RBFOX1: variants seen among roughly 807,000 people sequenced by gnomAD.
RBFOX1 encodes the protein RNA binding fox-1 homolog 1.
Under a neutral mutation model 57.7 loss-of-function variants are expected in RBFOX1, and 8 were observed. The ratio of observed to expected loss-of-function variants is 0.14; its 90% CI spans 0.08 to 0.25. RBFOX1 has a LOEUF of 0.25. RBFOX1 is among the 10% of genes least tolerant of loss of function. The pLI, the probability that RBFOX1 is intolerant of heterozygous loss-of-function variation, is 1.00. For synonymous variants in RBFOX1, 326 were observed against 222.4 expected, an observed-to-expected ratio of 1.47 and a Z score of -4.15; for missense variants, 611 against 548.5, an observed-to-expected ratio of 1.11 and a Z score of -1.14.
chr16:7,221,876 A>T (rs2152854819), intron 4 of RBFOX1, among the ~76,000 whole-genome samples: 1 of 152,322 alleles, frequency 6.6e-6, no homozygotes, highest in South Asian at 2.1e-4. Context: ...TAACTTCATA[A>T]ATCCACAAGA....
chr16:7,293,775 T>A (rs1439033698), intron 4 of RBFOX1, among the ~76,000 whole-genome samples: 2 of 152,122 alleles, frequency 1.3e-5, no homozygotes, highest in Non-Finnish European at 2.9e-5. Flanking sequence ...AAACCTAGTT[T>A]CGTATGATTC....
intron 1 of RBFOX1, among the ~76,000 whole-genome samples, chr16:5,266,196 C>T (rs1406173322): frequency 6.6e-6 from 1 of 152,160 alleles, no homozygotes; most frequent in Non-Finnish European, 1.5e-5. Flanking sequence ...TCAGCTGTGA[C>T]ACTGCTGACA....
At chr16:6,874,995 A>G (rs1007675833) in intron 3 of RBFOX1, among the ~76,000 whole-genome samples, 3 of 152,250 alleles carry the variant, frequency 2.0e-5, no homozygotes, top group Non-Finnish European at 4.4e-5. Context: ...AATCTTAAAA[A>G]TGATTCCAAG....
chr16:5,770,350 C>G (rs774615993), intron 3 of RBFOX1, among the ~76,000 whole-genome samples: 8 of 152,048 alleles, frequency 5.3e-5, no homozygotes, highest in Non-Finnish European at 1.2e-4. Flanking sequence ...TTAGCATAAG[C>G]CGTTCCCATC....
intron 3 of RBFOX1, among the ~76,000 whole-genome samples, chr16:6,979,828 C>G (rs1326490193): frequency 6.6e-6 from 1 of 152,168 alleles, no homozygotes; most frequent in African/African-American, 2.4e-5. Flanking sequence ...GCCAGATGCA[C>G]TCAGGCTGGT....
chr16:7,579,433 G>T (rs2093583653), intron 5 of RBFOX1, among the ~76,000 whole-genome samples: 2 of 151,922 alleles, frequency 1.3e-5, no homozygotes, highest in South Asian at 4.2e-4. Context: ...GCAGCTCCCA[G>T]TCCCCTTCCT....
chr16:5,516,344 C>T (rs1314634541), intron 2 of RBFOX1, among the ~76,000 whole-genome samples: 7 of 152,110 alleles, frequency 4.6e-5, no homozygotes, highest in Non-Finnish European at 8.8e-5. Context: ...CTTCCTGTCT[C>T]CCATTATTTT....
At chr16:6,832,958 C>G (rs1352403892) in intron 3 of RBFOX1, among the ~76,000 whole-genome samples, 2 of 152,124 alleles carry the variant, frequency 1.3e-5, no homozygotes, top group East Asian at 1.9e-4. Flanking sequence ...AAAATACAGT[C>G]ACACAAATTG....
chr16:5,719,355 C>G (rs1209206796), intron 3 of RBFOX1, among the ~76,000 whole-genome samples: 1 of 150,730 alleles, frequency 6.6e-6, no homozygotes, highest in African/African-American at 2.5e-5. Context: ...GCACCTGCCA[C>G]CATGCCCGGC....
intron 4 of RBFOX1, among the ~76,000 whole-genome samples, chr16:5,994,963 G>T (rs928319516): frequency 2.0e-5 from 3 of 152,156 alleles, no homozygotes; most frequent in African/African-American, 4.8e-5. Context: ...GGAACCAAAA[G>T]CCCCAGCTTC....
At chr16:5,289,445 T>G (rs527867425) in intron 1 of RBFOX1, 2 of 240,998 alleles carry the variant, frequency 8.3e-6, no homozygotes, top group South Asian at 1.2e-4. Flanking sequence ...ACACATTAGA[T>G]TGTGAAGCCT....
In RBFOX1 at chr16:5,673,612, A is replaced by C. The variant is rs1003018755; in HGVS notation, c.318+74651A>C. 4.6e-5 allele frequency among the ~76,000 whole-genome samples: 7 copies of C among 152,332 alleles called. No homozygotes were observed. In the South Asian group the frequency reaches 1.2e-3, roughly 27 times the overall value. ...CCATGGAGGGCAACTATCTCCATTC[A>C]GTGAAGTTCATGTCTATCTTTGGGG... On this transcript the variant is annotated intron_variant, in intron 3 of 19. Coordinates refer to the RBFOX1 transcript ENST00000641259.
rs1307678649 is a variant in RBFOX1, at chr16:5,454,934, C to T, written c.220-12282C>T. Among the ~76,000 whole-genome samples, 58 of 42,274 alleles carry T rather than the reference C, an allele frequency of 1.4e-3. 2 individuals carry two copies. Among genetic ancestry groups the T allele is most frequent in the East Asian group, 3.1e-3 (3 of 964 alleles). The allele number at this position is 42,274 out of a possible 152,430, so 27.7% of individuals were successfully genotyped here. On this transcript the variant is annotated intron_variant, in intron 1 of 2. Coordinates refer to the RBFOX1 transcript ENST00000585867. ...TCTTTCCTTTGTTTCTTTCTTCCTT[C>T]CTTCCTTCCTTCCTTCCTTCCTTCC...
At chr16:6,107,918 C>G (rs1175017899) in intron 1 of RBFOX1, among the ~76,000 whole-genome samples, 3 of 151,986 alleles carry the variant, frequency 2.0e-5, no homozygotes. Flanking sequence ...GAGTTTTAGC[C>G]ATGTTTCCTC....
chr16:6,556,721 G>T (rs765046679), intron 2 of RBFOX1, among the ~76,000 whole-genome samples: 3 of 152,112 alleles, frequency 2.0e-5, no homozygotes, highest in East Asian at 3.8e-4. Flanking sequence ...ATGATCTGCC[G>T]TAGAAATTTG....
chr16:7,179,997 A>G (rs1231898428), intron 4 of RBFOX1, among the ~76,000 whole-genome samples: 4 of 151,154 alleles, frequency 2.6e-5, no homozygotes, highest in Non-Finnish European at 5.9e-5. Context: ...CCCGCCTTAG[A>G]CCCCCAAAGT....
chr16:6,191,232 G>A (rs2097139935), intron 1 of RBFOX1, among the ~76,000 whole-genome samples: 2 of 149,944 alleles, frequency 1.3e-5, no homozygotes, highest in African/African-American at 4.9e-5. Context: ...TTCAAGCGGT[G>A]TTTTACCTGA....
At chr16:7,497,566 A>T (rs1402759262) in intron 4 of RBFOX1, among the ~76,000 whole-genome samples, 1 of 152,184 alleles carries the variant, frequency 6.6e-6, no homozygotes, top group Non-Finnish European at 1.5e-5. Context: ...TTATCTCTGA[A>T]TGTATTTTAT....
At chr16:6,782,270 G>C (rs769684570) in intron 3 of RBFOX1, among the ~76,000 whole-genome samples, 8 of 152,134 alleles carry the variant, frequency 5.3e-5, no homozygotes, top group Non-Finnish European at 1.0e-4. Context: ...CTCCCAAAGT[G>C]TTTTGTTTTC....
Sources: allele counts gnomAD v4.1 joint callset (sites outside exome capture counted in the v4.1 genomes callset), GRCh38; gene constraint gnomAD v4.1.1; transcripts MANE v1.5; gene names NCBI Gene and HGNC (gene_info 2026-07-23, HGNC 2026-07-21).